The following ACTN1 variants were observed in gnomAD, a reference collection of about 807,000 sequenced individuals.
ACTN1 encodes the protein actinin alpha 1.
ACTN1 carries 30 observed loss-of-function variants against 119.6 expected under a neutral mutation model. The ratio of observed to expected loss-of-function variants is 0.25; its 90% CI spans 0.19 to 0.34. The LOEUF (loss-of-function observed/expected upper bound fraction) is 0.34, where lower values mean the gene tolerates loss of function less well. Among genes scored for constraint, ACTN1 ranks in the 10% least tolerant of loss-of-function variants. ACTN1 has a pLI of 1.00. For synonymous variants in ACTN1, 429 were observed against 472.6 expected (o/e 0.91, Z 1.20); for missense variants, 764 against 1,223.4 (o/e 0.62, Z 5.60).
At chr14:68,961,821 G>A (rs1210798233) in intron 1 of ACTN1, among the ~76,000 whole-genome samples, 3 of 152,178 alleles carry the variant, frequency 2.0e-5, no homozygotes, top group Non-Finnish European at 2.9e-5. Context: ...CAAACTAGTT[G>A]CTCCTCATCC....
At chr14:68,907,056 T>C (rs1370188381) in intron 6 of ACTN1, among the ~76,000 whole-genome samples, 4 of 152,114 alleles carry the variant, frequency 2.6e-5, no homozygotes, top group African/African-American at 9.6e-5. Flanking sequence ...GCGAATCACC[T>C]GAGGTCAGGA....
rs1025842537 is a variant in ACTN1, at chr14:68,904,710, C to T, written c.621G>A (p.Thr207=). The T allele has an allele frequency of 5.6e-6, 9 of 1,613,900 alleles. No homozygotes were observed. Among genetic ancestry groups the T allele is most frequent in the Middle Eastern group, 1.6e-4 (1 of 6,084 alleles). Residue 207 remains threonine, a synonymous_variant, in exon 7 of 22, where the codon ACG becomes ACA. Transcript: ENST00000394419. ...RKDDPLTNLN[T]AFDVAEKYLD... is the part of the protein sequence containing the mutation. The stretch of plus-strand genomic sequence containing the variant: ...GGTACTTCTCTGCCACGTCAAAAGC[C>T]GTATTCAGATTTGTGAGTGGATCAT...
intron 6 of ACTN1, among the ~76,000 whole-genome samples, chr14:68,905,102 T>G (rs1038398056): frequency 4.6e-5 from 7 of 152,210 alleles, no homozygotes; most frequent in Non-Finnish European, 7.3e-5. Flanking sequence ...CCAGTGGGAC[T>G]CGTGGGTAGC....
intron 13 of ACTN1, 36 bp downstream of exon 13, chr14:68,884,739 G>A (rs888712248): frequency 7.8e-6 from 12 of 1,547,282 alleles, no homozygotes; most frequent in Admixed American, 1.7e-5. Flanking sequence ...CAGGGCTGCC[G>A]GATATGGGCC....
rs576999125 is a variant in ACTN1, at chr14:68,966,568, A to C, written c.105+12384T>G. Among the ~76,000 whole-genome samples the C allele has an allele frequency of 3.9e-5, 6 of 152,226 alleles. No individual in the cohort carries two copies. The East Asian group carries it at 1.2e-3, about 29-fold the overall frequency. On this transcript the variant is annotated intron_variant, in intron 1 of 21. Coordinates refer to ENST00000394419, the MANE Select transcript of ACTN1 (RefSeq NM_001130004.2). ...TGCCAAACAACTCTCTGGCCTAATA[A>C]ATCAAAGAAGACAGTCTTTTCACAC...
At chr14:68,922,450 T>C (rs2034700491) in intron 2 of ACTN1, among the ~76,000 whole-genome samples, 1 of 152,190 alleles carries the variant, frequency 6.6e-6, no homozygotes, top group South Asian at 2.1e-4. Flanking sequence ...GGTACCCCAG[T>C]ATTTCCTGTC....
At position 68,878,980 on chromosome 14, in the gene ACTN1, G is replaced by A; in HGVS notation, c.2361+9C>T. On this transcript the variant is annotated intron_variant, in intron 19 of 21. Coordinates refer to ENST00000394419, the MANE Select transcript of ACTN1 (RefSeq NM_001130004.2). The surrounding 1 kb of genome is among the most constrained non-coding windows in gnomAD (Gnocchi z 4.4). The stretch of plus-strand genomic sequence containing the variant: ...ACCCCTGAGCGTGCTCCATGCAGGA[G>A]GCGAGTACCTGGGGGTCGTTGCCAA... The A allele has an allele frequency of 6.2e-7, 1 of 1,613,282 alleles. No individual in the cohort carries two copies. Among genetic ancestry groups the A allele is most frequent in the Non-Finnish European group, 8.5e-7 (1 of 1,179,846 alleles).
At chr14:68,944,394 C>G (rs1419713926) in intron 1 of ACTN1, among the ~76,000 whole-genome samples, 1 of 152,230 alleles carries the variant, frequency 6.6e-6, no homozygotes, top group African/African-American at 2.4e-5. Flanking sequence ...GGCTCCAGGC[C>G]TCCCCTGCCA....
intron 11 of ACTN1, chr14:68,888,150 A>C: frequency 1.8e-6 from 1 of 551,132 alleles, no homozygotes; most frequent in Non-Finnish European, 3.4e-6. Flanking sequence ...CCTTTGCGAA[A>C]CTGTGCTGCC....
intron 3 of ACTN1, among the ~76,000 whole-genome samples, chr14:68,919,581 G>A (rs1439777637): frequency 6.6e-6 from 1 of 152,180 alleles, no homozygotes; most frequent in African/African-American, 2.4e-5. Context: ...CATGCTGCTA[G>A]GAACTGGGGC....
chr14:68,891,546 T>C (rs1261375661), intron 10 of ACTN1, among the ~76,000 whole-genome samples: 1 of 152,236 alleles, frequency 6.6e-6, no homozygotes, highest in Non-Finnish European at 1.5e-5. Flanking sequence ...AAATCATTTT[T>C]TTTAAAGTTG....
At chr14:68,901,249 G>GTTTTTTTTTTTTTTTTTTT in intron 8 of ACTN1, among the ~76,000 whole-genome samples, 1 of 103,498 alleles carries the variant, frequency 9.7e-6, no homozygotes, top group Non-Finnish European at 1.9e-5. Flanking sequence ...TTTTTGTTTT[G>GTTTTTTTTTTTTTTTTTTT]TTTTTTTTTT....
chr14:68,938,793 A>G (rs922652701), intron 1 of ACTN1, among the ~76,000 whole-genome samples: 1 of 152,152 alleles, frequency 6.6e-6, no homozygotes, highest in African/African-American at 2.4e-5. Flanking sequence ...CTTCCCATCC[A>G]CTGTCTATTT....
chr14:68,924,197 G>A (rs905155909), intron 2 of ACTN1, among the ~76,000 whole-genome samples: 2 of 152,174 alleles, frequency 1.3e-5, no homozygotes, highest in African/African-American at 2.4e-5. Context: ...CGGTGGCGAT[G>A]GCTGCACAAC....
chr14:68,977,828 A>G, intron 1 of ACTN1: 1 of 376,218 alleles, frequency 2.7e-6, no homozygotes, highest in Non-Finnish European at 5.4e-6. Flanking sequence ...CCCCATTCCC[A>G]GATCAGCCTG....
In ACTN1 at chr14:68,925,474, G is replaced by T; in HGVS notation, c.220+84C>A. Reference sequence around the variant, plus strand: ...AACTTGTTTCAAGAGACCAAAACCAGCTGCGCTCATAGGCAGAGCAGATGC... The same window carrying T: ...AACTTGTTTCAAGAGACCAAAACCATCTGCGCTCATAGGCAGAGCAGATGC... On this transcript the variant is annotated intron_variant, in intron 2 of 21. Transcript: ENST00000394419. The surrounding 1 kb of genome is among the most constrained non-coding windows in gnomAD (Gnocchi z 4.3). 9.0e-7 allele frequency: 1 copy of T among 1,109,368 alleles called. No individual in the cohort carries two copies. Among genetic ancestry groups the T allele is most frequent in the Non-Finnish European group, 1.3e-6 (1 of 781,762 alleles). The allele number at this position is 1,109,368 out of a possible 1,614,324, so 68.7% of individuals were successfully genotyped here.
chr14:68,973,806 A>C (rs2036972813), intron 1 of ACTN1: 1 of 152,156 alleles, frequency 6.6e-6, no homozygotes, highest in South Asian at 2.1e-4. Flanking sequence ...GGCTAAATTG[A>C]ATCCTGAGTC....
Position 68,892,093 on chromosome 14 carries a change from T to G in ACTN1, c.1046A>C (p.Asn349Thr), listed in dbSNP as rs1246746259. 7 of 1,613,428 alleles carry G rather than the reference T, an allele frequency of 4.3e-6. No individual in the cohort carries two copies. Among genetic ancestry groups the G allele is most frequent in the Admixed American group, 3.3e-5 (2 of 59,952 alleles). ...NTLQTKLRLS[N>T]RPAFMPSEGR... ...CTCAGAGGGCATGAAGGCAGGCCGG[T>G]TGCTGAGCCGCAGCTTGGTCTGCAG... The change falls in exon 10 of 22, where the codon AAC becomes ACC. Residue 349 changes from asparagine to threonine, a missense_variant. By Grantham distance (65) the Asn-to-Thr change is moderately conservative. Around this residue, in one of 4 missense-constraint regions of ACTN1, gnomAD observed 544 missense variants for 912.0 expected, o/e 0.60. Coordinates refer to ENST00000394419, the MANE Select transcript of ACTN1 (RefSeq NM_001130004.2).
intron 20 of ACTN1, chr14:68,877,567 A>C: frequency 3.7e-6 from 1 of 273,276 alleles, no homozygotes; most frequent in Non-Finnish European, 6.9e-6. Context: ...CTTTATTTCA[A>C]TTCATTTAAT....
Sources: gnomAD v4.1 joint callset for allele counts (sites outside exome capture counted in the v4.1 genomes callset) on GRCh38, gnomAD v4.1.1 for gene constraint, gnomAD v4.1.1 regional missense constraint, Gnocchi (gnomAD v3.1) non-coding constraint, MANE v1.5 for transcripts, NCBI Gene and HGNC (gene_info 2026-07-23, HGNC 2026-07-21) for gene names.